Variants in SRRM4 observed in about 807,000 individuals in gnomAD.
SRRM4 encodes serine/arginine repetitive matrix 4.
Under a neutral mutation model 68.9 loss-of-function variants are expected in SRRM4, and 33 were observed. That is an observed-to-expected ratio of 0.48 (90% CI 0.36 to 0.64). SRRM4 has a LOEUF of 0.64. SRRM4 is among the 30% of genes least tolerant of loss of function. The pLI, the probability that SRRM4 is intolerant of heterozygous loss-of-function variation, is 0.00. For synonymous variants in SRRM4, 318 were observed against 318.8 expected (o/e 1.00, Z 0.03); for missense variants, 817 against 827.1 (o/e 0.99, Z 0.15).
At chr12:119,098,804 C>T (rs979559723) in intron 1 of SRRM4, among the ~76,000 whole-genome samples, 2 of 152,222 alleles carry the variant, frequency 1.3e-5, no homozygotes, top group African/African-American at 4.8e-5. Flanking sequence ...TCTTACTTCT[C>T]ACATTTAGCC....
chr12:119,131,120 GA>G, intron 8 of SRRM4, among the ~76,000 whole-genome samples: 1 of 152,172 alleles, frequency 6.6e-6, no homozygotes, highest in Non-Finnish European at 1.5e-5. Context: ...TCTGCAGGAA[GA>G]CATGTTTAAG....
chr12:119,030,113 C>T (rs143709011), intron 1 of SRRM4, among the ~76,000 whole-genome samples: 204 of 152,222 alleles, frequency 1.3e-3, no homozygotes, highest in African/African-American at 4.7e-3. Flanking sequence ...AACTGAAATG[C>T]GAGAGAAAAA....
chr12:119,050,211 A>C (rs1953733702), intron 1 of SRRM4, among the ~76,000 whole-genome samples: 1 of 152,196 alleles, frequency 6.6e-6, no homozygotes, highest in Non-Finnish European at 1.5e-5. Flanking sequence ...CCAGGTACTG[A>C]GAAAGGACAG....
At chr12:119,060,540 G>A (rs1386876823) in intron 1 of SRRM4, among the ~76,000 whole-genome samples, 1 of 151,562 alleles carries the variant, frequency 6.6e-6, no homozygotes, top group Non-Finnish European at 1.5e-5. Flanking sequence ...TATCTTAAGT[G>A]TTCCTTATGG....
At chr12:119,033,387 C>G (rs368624388) in intron 1 of SRRM4, among the ~76,000 whole-genome samples, 1 of 152,112 alleles carries the variant, frequency 6.6e-6, no homozygotes, top group Non-Finnish European at 1.5e-5. Flanking sequence ...TTTTCTCAGC[C>G]GGGTGCGGTG....
chr12:119,084,718 GT>G (rs1953969320), intron 1 of SRRM4, among the ~76,000 whole-genome samples: 1 of 152,034 alleles, frequency 6.6e-6, no homozygotes, highest in African/African-American at 2.4e-5. Context: ...TCATAGTCCG[GT>G]GGGGCAAAAT....
chr12:119,054,965 GC>G (rs1953767329), intron 1 of SRRM4, among the ~76,000 whole-genome samples: 1 of 152,090 alleles, frequency 6.6e-6, no homozygotes, highest in Admixed American at 6.6e-5. Context: ...AACCACTGTG[GC>G]CAGGGGGCAT....
chr12:119,111,931 A>T (rs550111676), intron 2 of SRRM4, among the ~76,000 whole-genome samples: 1 of 152,260 alleles, frequency 6.6e-6, no homozygotes, highest in African/African-American at 2.4e-5. Context: ...CTGTAGTCCC[A>T]GCTACTAGGA....
intron 1 of SRRM4, among the ~76,000 whole-genome samples, chr12:119,079,902 A>G (rs755124552): frequency 6.9e-5 from 9 of 129,678 alleles, no homozygotes; most frequent in Non-Finnish European, 1.0e-4. Flanking sequence ...TTTTTTTTTC[A>G]GCCAGTGATT....
chr12:119,145,434 C>T lies in SRRM4; in HGVS notation c.825C>T (p.Leu275=). Residue 275 remains leucine, a synonymous_variant, in exon 9 of 13, where the codon CTC becomes CTT. Coordinates refer to ENST00000267260, the MANE Select transcript of SRRM4 (RefSeq NM_194286.4). ...TCTTTACCAAAACAGCCAGCCCGCT[C>T]ACCACCTCGCGAGGACGTTCCCAGG... ...ADLFTKTASP[L]TTSRGRSQEY... The T allele has an allele frequency of 1.2e-6, 2 of 1,606,988 alleles. No individual in the cohort carries two copies. The highest frequency in any genetic ancestry group is 1.7e-6 in the Non-Finnish European group (2 of 1,176,760).
chr12:119,037,030 T>C (rs1352892264), intron 1 of SRRM4: 1 of 152,098 alleles, frequency 6.6e-6, no homozygotes, highest in Admixed American at 6.5e-5. Flanking sequence ...AGAAATGGAT[T>C]GTGGTGGAAA....
chr12:119,073,102 A>AG (rs1216417812), intron 1 of SRRM4, among the ~76,000 whole-genome samples: 8 of 151,402 alleles, frequency 5.3e-5, no homozygotes, highest in Non-Finnish European at 2.9e-5. Flanking sequence ...GGAAAAAAAA[A>AG]AATGTGACGC....
At chr12:119,077,092 C>G (rs2136029451) in intron 1 of SRRM4, among the ~76,000 whole-genome samples, 1 of 152,226 alleles carries the variant, frequency 6.6e-6, no homozygotes, top group East Asian at 1.9e-4. Context: ...TGATTTTCTC[C>G]CTTCAGTATG....
At chr12:119,000,666 G>C (rs181555540) in intron 1 of SRRM4, 1 of 152,364 alleles carries the variant, frequency 6.6e-6, no homozygotes, top group East Asian at 1.9e-4. Context: ...TAGATTTTGT[G>C]AGTACAAGTC....
intron 1 of SRRM4, among the ~76,000 whole-genome samples, chr12:119,019,456 C>A (rs1525946): frequency 5.3e-5 from 8 of 151,846 alleles, no homozygotes; most frequent in Non-Finnish European, 1.0e-4. Flanking sequence ...GAATTCCCCC[C>A]CTCAAGCATT....
At chr12:119,015,325 A>G (rs191233145) in intron 1 of SRRM4, among the ~76,000 whole-genome samples, 114 of 152,330 alleles carry the variant, frequency 7.5e-4, no homozygotes, top group African/African-American at 2.7e-3. Context: ...CCAGACTTAC[A>G]GGGACCATCT....
chr12:119,042,629 G>T (rs1203643768), intron 1 of SRRM4, among the ~76,000 whole-genome samples: 1 of 151,390 alleles, frequency 6.6e-6, no homozygotes, highest in South Asian at 2.1e-4. Flanking sequence ...AGAGGGATGA[G>T]AGGAGGAGAG....
intron 1 of SRRM4, among the ~76,000 whole-genome samples, chr12:119,047,965 C>T (rs1428088968): frequency 1.3e-5 from 2 of 152,188 alleles, no homozygotes; most frequent in East Asian, 1.9e-4. Context: ...AATACACAAT[C>T]GATGCTAGCA....
At chr12:119,080,227 C>T (rs372839842) in intron 1 of SRRM4, among the ~76,000 whole-genome samples, 1 of 3,438 alleles carries the variant, frequency 2.9e-4, no homozygotes, top group Admixed American at 2.1e-3. Context: ...TTTGCTGTGT[C>T]GTGACCTCAG....
Sources: allele counts gnomAD v4.1 joint callset (sites outside exome capture counted in the v4.1 genomes callset), GRCh38; gene constraint gnomAD v4.1.1; transcripts MANE v1.5; gene names NCBI Gene and HGNC (gene_info 2026-07-23, HGNC 2026-07-21).